Variants in SNX5 observed in about 807,000 individuals in gnomAD.
SNX5 encodes sorting nexin-5.
In SNX5, 31 loss-of-function variants were observed where a neutral mutation model predicts 53.9. The ratio of observed to expected loss-of-function variants is 0.58; its 90% CI spans 0.43 to 0.78. The LOEUF (loss-of-function observed/expected upper bound fraction) is 0.78, where lower values mean the gene tolerates loss of function less well. SNX5 is among the 30% of genes least tolerant of loss of function. The pLI, the probability that SNX5 is intolerant of heterozygous loss-of-function variation, is 0.00. For missense variants in SNX5, 471 were observed against 478.8 expected, an observed-to-expected ratio of 0.98 and a Z score of 0.15; for synonymous variants, 168 against 171.1, an observed-to-expected ratio of 0.98 and a Z score of 0.14.
intron 1 of SNX5, chr20:17,962,962 T>C (rs1348563098): frequency 4.0e-6 from 2 of 505,612 alleles, no homozygotes; most frequent in African/African-American, 1.9e-5. Flanking sequence ...TGCAAGCCCA[T>C]GTACTAATGG....
At chr20:17,957,330 G>A (rs1294967991) in intron 1 of SNX5, among the ~76,000 whole-genome samples, 1 of 151,746 alleles carries the variant, frequency 6.6e-6, no homozygotes, top group Non-Finnish European at 1.5e-5. Context: ...AGCTACTTGG[G>A]AGGCTGAGGC....
chr20:17,968,729 A>C lies in SNX5; in HGVS notation c.-304T>G. ...GCTCCGCTCCACGAGGAGGCCGCCA[A>C]CCGCAGGGCCGCGACACGGACGGGA... On this transcript the variant is annotated 5_prime_UTR_variant, in exon 1 of 13. Coordinates refer to ENST00000377759, the MANE Select transcript of SNX5 (RefSeq NM_014426.4). 1 of 394,790 alleles carries C rather than the reference A, an allele frequency of 2.5e-6. No individual in the cohort carries two copies. Among genetic ancestry groups the C allele is most frequent in the Non-Finnish European group, 4.7e-6 (1 of 212,336 alleles). 24.5% of individuals were successfully genotyped at this position (394,790 alleles called of 1,614,324 possible).
intron 2 of SNX5, 33 bp downstream of exon 2, chr20:17,956,900 G>A: frequency 9.4e-7 from 1 of 1,065,734 alleles, no homozygotes. Flanking sequence ...CTGCAACCTA[G>A]CACTGTATGT....
At chr20:17,948,769 G>C in intron 10 of SNX5, 121 bp downstream of exon 10, 1 of 753,866 alleles carries the variant, frequency 1.3e-6, no homozygotes, top group South Asian at 1.7e-5. Context: ...ATGCCAGAAA[G>C]GCATGTCATT....
chr20:17,942,678 G>C, intron 12 of SNX5: 1 of 496,552 alleles, frequency 2.0e-6, no homozygotes, highest in South Asian at 2.4e-5. Flanking sequence ...GCTCCTAAAT[G>C]TGATCCTGCT....
Position 17,948,961 on chromosome 20 carries a change from C to A in SNX5, c.847G>T (p.Val283Phe). The A allele has an allele frequency of 1.9e-6, 3 of 1,612,554 alleles. No individual in the cohort carries two copies. The highest frequency in any genetic ancestry group is 2.0e-4 in the Middle Eastern group (1 of 4,918). Residue 283 changes from valine (V) to phenylalanine (F), a missense_variant, in exon 10 of 13, where the codon GTT (valine) becomes TTT (phenylalanine). Val to Phe is a conservative substitution (Grantham distance 50). Transcript: ENST00000377759. ...AGCTTCAAATCTTCATCTGATGAAA[C>A]TCGACCCTCTACTTTCTATATAGAA... ...FEKLRKVEGR[V>F]SSDEDLKLTE... is the part of the protein sequence containing the mutation.
At chr20:17,953,967 G>C (rs1051711307) in intron 4 of SNX5, 29 bp downstream of exon 4, 5 of 1,584,344 alleles carry the variant, frequency 3.2e-6, no homozygotes, top group Admixed American at 3.4e-5. Context: ...CTTCTCAAAA[G>C]ACAGAGCCCA....
Position 17,942,132 on chromosome 20 carries a change from C to G in SNX5, c.*225G>C. The G allele has an allele frequency of 2.0e-6, 1 of 509,434 alleles. No homozygotes were observed. Among genetic ancestry groups the G allele is most frequent in the South Asian group, 2.1e-5 (1 of 47,354 alleles). 31.6% of individuals were successfully genotyped at this position (509,434 alleles called of 1,614,324 possible). On this transcript the variant is annotated 3_prime_UTR_variant, in exon 13 of 13. Coordinates refer to ENST00000377759, the MANE Select transcript of SNX5 (RefSeq NM_014426.4). The stretch of plus-strand genomic sequence containing the variant: ...GAGAACCCAGTATTTGGATTCTGCC[C>G]AGAGGTATTAAATGCACAAGGAAAA...
At chr20:17,957,089 T>G in intron 1 of SNX5, 52 bp from the exon 2 acceptor site, 1 of 1,086,958 alleles carries the variant, frequency 9.2e-7, no homozygotes, top group Non-Finnish European at 1.4e-6. Context: ...CCCTAAAAAA[T>G]TATTCCAAAA....
At chr20:17,962,380 T>C (rs2035470633) in intron 1 of SNX5, among the ~76,000 whole-genome samples, 1 of 151,434 alleles carries the variant, frequency 6.6e-6, no homozygotes, top group South Asian at 2.1e-4. Context: ...AATTTTTGTA[T>C]TTTTAGTAGA....
intron 12 of SNX5, 78 bp from the exon 13 acceptor site, chr20:17,942,485 C>A: frequency 9.6e-7 from 1 of 1,043,918 alleles, no homozygotes; most frequent in Admixed American, 1.7e-5. Context: ...AGTACACCAA[C>A]ACGGCTTTTC....
chr20:17,961,818 G>T (rs919734836), intron 1 of SNX5: 3 of 985,260 alleles, frequency 3.0e-6, no homozygotes, highest in African/African-American at 1.7e-5. Flanking sequence ...ACAAATCATC[G>T]ATGATTCTTA....
At chr20:17,967,500 C>A (rs2035566082) in intron 1 of SNX5, among the ~76,000 whole-genome samples, 1 of 152,112 alleles carries the variant, frequency 6.6e-6, no homozygotes, top group Non-Finnish European at 1.5e-5. Context: ...CCTTTAACTT[C>A]TCAAGAAATG....
intron 11 of SNX5, among the ~76,000 whole-genome samples, chr20:17,946,516 T>C (rs2039489648): frequency 6.6e-6 from 1 of 152,136 alleles, no homozygotes; most frequent in African/African-American, 2.4e-5. Flanking sequence ...AATACAATAA[T>C]GAATTCTAAA....
At chr20:17,946,552 ACT>A (rs1252297902) in intron 11 of SNX5, among the ~76,000 whole-genome samples, 12 of 152,188 alleles carry the variant, frequency 7.9e-5, no homozygotes, top group African/African-American at 2.4e-4. Context: ...GGAGTCCATG[ACT>A]CTAATAAAGA....
At chr20:17,954,888 T>A (rs1466599913) in intron 3 of SNX5, among the ~76,000 whole-genome samples, 1 of 152,142 alleles carries the variant, frequency 6.6e-6, no homozygotes, top group Non-Finnish European at 1.5e-5. Context: ...TTTTTTGTAT[T>A]TTTAGTAGAG....
intron 12 of SNX5, 50 bp from the exon 13 acceptor site, chr20:17,942,457 T>C (rs2039430962): frequency 7.1e-7 from 1 of 1,409,396 alleles, no homozygotes; most frequent in African/African-American, 1.4e-5. Context: ...AAACTTGCCA[T>C]ATACCTGGAA....
rs767551520 is a variant in SNX5, at chr20:17,968,481, G to GGCC, written c.-59_-57dup. The GGCC allele has an allele frequency of 1.3e-4, 171 of 1,283,424 alleles. No homozygotes were observed. The highest frequency in any genetic ancestry group is 4.7e-4 in the East Asian group (15 of 31,904). The allele number at this position is 1,283,424 out of a possible 1,614,324, so 79.5% of individuals were successfully genotyped here. ...GGCTGTGCGAGGAAAGAAGAAGCTG[G>GGCC]GCCGCCGCCGCCGCCGCCTGGGCGC... On this transcript the variant is annotated 5_prime_UTR_variant, in exon 1 of 13. Transcript: ENST00000377759.
chr20:17,944,309 A>G (rs1259018681), intron 11 of SNX5: 1 of 152,184 alleles, frequency 6.6e-6, no homozygotes, highest in Non-Finnish European at 1.5e-5. Context: ...TGAAACAGCA[A>G]ATTTCAAATG....
Sources: allele counts gnomAD v4.1 joint callset (sites outside exome capture counted in the v4.1 genomes callset), GRCh38; gene constraint gnomAD v4.1.1; transcripts MANE v1.5; gene names NCBI Gene and HGNC (gene_info 2026-07-23, HGNC 2026-07-21).